Variants in EPHB1 observed in about 807,000 individuals in gnomAD.
EPHB1 encodes the protein EPH receptor B1, also known as ephrin type-B receptor 1.
Under a neutral mutation model 94.4 loss-of-function variants are expected in EPHB1, and 30 were observed. The observed-to-expected ratio is 0.32, with a 90% CI of 0.24 to 0.43. EPHB1 has a LOEUF of 0.43. Among genes scored for constraint, EPHB1 ranks in the 20% least tolerant of loss-of-function variants. The pLI is 1.00. For missense variants in EPHB1, 1,055 were observed against 1,308.3 expected (o/e 0.81, Z 2.99); for synonymous variants, 522 against 489.1 (o/e 1.07, Z -0.89).
At chr3:134,871,794 C>T (rs2037504695) in intron 1 of EPHB1, among the ~76,000 whole-genome samples, 1 of 152,146 alleles carries the variant, frequency 6.6e-6, no homozygotes, top group South Asian at 2.1e-4. Context: ...CATGTTATGT[C>T]CAAATGGGCG....
chr3:135,229,170 G>A (rs1431057662), intron 12 of EPHB1, among the ~76,000 whole-genome samples: 4 of 152,196 alleles, frequency 2.6e-5, no homozygotes, highest in Admixed American at 2.6e-4. Context: ...CAGAGAGCAG[G>A]GCTCATGCAG....
intron 4 of EPHB1, 99 bp from the exon 5 acceptor site, chr3:135,132,615 G>T (rs533841487): frequency 1.9e-6 from 2 of 1,038,842 alleles, no homozygotes; most frequent in South Asian, 1.7e-5. Context: ...GGAGGCGAGC[G>T]CACTGATGAG....
chr3:134,987,323 G>A (rs1221683900), intron 3 of EPHB1, among the ~76,000 whole-genome samples: 1 of 152,160 alleles, frequency 6.6e-6, no homozygotes, highest in Non-Finnish European at 1.5e-5. Flanking sequence ...AGGGCCTAAG[G>A]CTCTAATGTC....
At chr3:135,199,630 C>T (rs1360853531) in intron 11 of EPHB1, among the ~76,000 whole-genome samples, 1 of 152,144 alleles carries the variant, frequency 6.6e-6, no homozygotes, top group Non-Finnish European at 1.5e-5. Flanking sequence ...GTTTGGGGGC[C>T]CTTCTACTGG....
At chr3:135,257,934 T>G (rs936564510) in intron 15 of EPHB1, among the ~76,000 whole-genome samples, 1 of 151,924 alleles carries the variant, frequency 6.6e-6, no homozygotes, top group Non-Finnish European at 1.5e-5. Flanking sequence ...GTTTTAAGCC[T>G]GTCGGAAAAG....
chr3:135,077,941 G>T (rs899293088), intron 3 of EPHB1, among the ~76,000 whole-genome samples: 1 of 152,224 alleles, frequency 6.6e-6, no homozygotes, highest in Admixed American at 6.5e-5. Context: ...CCCTTATTAT[G>T]TGGAAGACTC....
intron 12 of EPHB1, among the ~76,000 whole-genome samples, chr3:135,227,455 C>CA: frequency 6.6e-6 from 1 of 152,086 alleles, no homozygotes; most frequent in East Asian, 1.9e-4. Flanking sequence ...ATTTTACTCT[C>CA]AAAAAAATGG....
intron 3 of EPHB1, among the ~76,000 whole-genome samples, chr3:135,039,669 C>A (rs143766817): frequency 6.6e-6 from 1 of 152,208 alleles, no homozygotes; most frequent in Non-Finnish European, 1.5e-5. Context: ...GCCACTGGCC[C>A]GGCTGCTAAG....
intron 3 of EPHB1, among the ~76,000 whole-genome samples, chr3:135,048,295 C>T (rs188810462): frequency 3.2e-3 from 322 of 100,858 alleles, no homozygotes; most frequent in Admixed American, 6.0e-3. Context: ...GATAGGGTCT[C>T]ACTCTTCCAG....
At chr3:134,958,807 G>A (rs1319456043) in intron 3 of EPHB1, among the ~76,000 whole-genome samples, 1 of 152,172 alleles carries the variant, frequency 6.6e-6, no homozygotes, top group African/African-American at 2.4e-5. Context: ...GAGCTGGAAG[G>A]ATGCCCCTCT....
At chr3:135,058,986 G>T in intron 3 of EPHB1, among the ~76,000 whole-genome samples, 1 of 152,302 alleles carries the variant, frequency 6.6e-6, no homozygotes, top group Middle Eastern at 3.4e-3. Flanking sequence ...TGGAGAAGGG[G>T]TTTTGGAGAA....
intron 1 of EPHB1, among the ~76,000 whole-genome samples, chr3:134,903,882 C>G (rs1003982539): frequency 3.3e-5 from 5 of 152,190 alleles, no homozygotes; most frequent in Admixed American, 3.3e-4. Flanking sequence ...CACTGTGACC[C>G]CACCGCAGCC....
At chr3:135,086,559 G>A (rs887282354) in intron 3 of EPHB1, among the ~76,000 whole-genome samples, 1 of 151,604 alleles carries the variant, frequency 6.6e-6, no homozygotes, top group African/African-American at 2.4e-5. Flanking sequence ...ATGCCTTTAT[G>A]CATGACATTT....
intron 3 of EPHB1, among the ~76,000 whole-genome samples, chr3:135,086,310 C>T (rs1213811239): frequency 6.6e-6 from 1 of 150,670 alleles, no homozygotes; most frequent in East Asian, 2.0e-4. Flanking sequence ...TTGGTAGGCA[C>T]ACCTCAAGAG....
chr3:134,807,870 T>C (rs2036097675), intron 1 of EPHB1, among the ~76,000 whole-genome samples: 2 of 152,156 alleles, frequency 1.3e-5, no homozygotes, highest in African/African-American at 2.4e-5. Context: ...AGGAGCTCCC[T>C]GACGGAAATG....
At chr3:134,995,304 AGTT>A (rs1383185909) in intron 3 of EPHB1, among the ~76,000 whole-genome samples, 1 of 152,180 alleles carries the variant, frequency 6.6e-6, no homozygotes. Context: ...TTTCCATACA[AGTT>A]GTTGTGAATA....
intron 10 of EPHB1, among the ~76,000 whole-genome samples, chr3:135,186,554 TC>T (rs1209638170): frequency 6.6e-6 from 1 of 152,242 alleles, no homozygotes; most frequent in African/African-American, 2.4e-5. Flanking sequence ...TTCCTTTTTT[TC>T]CCCCCAAGGC....
chr3:135,002,466 G>C (rs1935220290), intron 3 of EPHB1, among the ~76,000 whole-genome samples: 1 of 152,106 alleles, frequency 6.6e-6, no homozygotes, highest in African/African-American at 2.4e-5. Context: ...AATGATGCTG[G>C]CCTCATAAAA....
Position 135,132,650 on chromosome 3 carries a change from A to T in EPHB1, c.962-64A>T. 2.1e-6 allele frequency: 3 copies of T among 1,431,860 alleles called. No individual in the cohort carries two copies. In the South Asian group the frequency reaches 4.2e-5, roughly 20 times the overall value. The allele number at this position is 1,431,860 out of a possible 1,614,324, so 88.7% of individuals were successfully genotyped here. A position where few individuals can be genotyped will look rare whatever the true frequency, so the allele number is the denominator to read the frequency against. On this transcript the variant is annotated intron_variant, in intron 4 of 15. Transcript: ENST00000398015. Reference sequence around the variant, plus strand: ...GGTTGGGAATGCACCAGAGGCAGACAAGAGAGCTGCCGGACAAGGAAGCTT... The same window carrying T: ...GGTTGGGAATGCACCAGAGGCAGACTAGAGAGCTGCCGGACAAGGAAGCTT...
Sources: allele counts gnomAD v4.1 joint callset (sites outside exome capture counted in the v4.1 genomes callset), GRCh38; gene constraint gnomAD v4.1.1; transcripts MANE v1.5; gene names NCBI Gene and HGNC (gene_info 2026-07-23, HGNC 2026-07-21).